The following SLIT3 variants were observed in gnomAD, a reference collection of about 807,000 sequenced individuals.
SLIT3 encodes slit homolog 3 protein.
In SLIT3, 68 loss-of-function variants were observed where a neutral mutation model predicts 184.0. The ratio of observed to expected loss-of-function variants is 0.37; its 90% CI spans 0.30 to 0.45. The LOEUF is 0.45. Ranked by LOEUF, SLIT3 falls within the 20% of genes least tolerant of loss-of-function variation. SLIT3 has a pLI of 1.00. For missense variants in SLIT3, 1,707 were observed against 2,026.0 expected, an observed-to-expected ratio of 0.84 and a Z score of 3.02; for synonymous variants, 831 against 828.6, an observed-to-expected ratio of 1.00 and a Z score of -0.05.
At chr5:169,025,557 C>A (rs1756784641) in intron 4 of SLIT3, among the ~76,000 whole-genome samples, 1 of 152,178 alleles carries the variant, frequency 6.6e-6, no homozygotes, top group South Asian at 2.1e-4. Context: ...CCCCAGGAGC[C>A]TCAATCCATA....
chr5:169,257,376 C>A (rs1422269551), intron 1 of SLIT3, among the ~76,000 whole-genome samples: 7 of 95,090 alleles, frequency 7.4e-5, no homozygotes, highest in South Asian at 3.5e-4. Flanking sequence ...CCCACCCCAA[C>A]CTCCCCGCCC....
intron 4 of SLIT3, among the ~76,000 whole-genome samples, chr5:169,045,717 C>G (rs1757602091): frequency 6.6e-6 from 1 of 152,158 alleles, no homozygotes; most frequent in South Asian, 2.1e-4. Flanking sequence ...GACCCAGGAG[C>G]CAAACCACAG....
chr5:168,904,410 C>T lies in SLIT3; in HGVS notation c.414-21074G>A, dbSNP rs1760974919. Reference sequence around the variant, plus strand: ...TTCACAGCAACAAATCAGCTCCCCTCAGAGAGGCAGTTATAAAATATCAAA... The same window carrying T: ...TTCACAGCAACAAATCAGCTCCCCTTAGAGAGGCAGTTATAAAATATCAAA... On this transcript the variant is annotated intron_variant, in intron 4 of 35. Coordinates refer to ENST00000519560, the MANE Select transcript of SLIT3 (RefSeq NM_003062.4). Among the ~76,000 whole-genome samples, 4 of 152,234 alleles carry T rather than the reference C, an allele frequency of 2.6e-5. No homozygotes were observed. In the South Asian group the frequency reaches 8.3e-4, roughly 32 times the overall value.
At chr5:169,150,885 T>A (rs1047951449) in intron 4 of SLIT3, among the ~76,000 whole-genome samples, 4 of 152,198 alleles carry the variant, frequency 2.6e-5, no homozygotes, top group African/African-American at 9.6e-5. Flanking sequence ...ATCAGCAATC[T>A]GATTTCATGC....
chr5:169,004,601 C>T (rs868819970), intron 4 of SLIT3, among the ~76,000 whole-genome samples: 8 of 152,120 alleles, frequency 5.3e-5, no homozygotes, highest in South Asian at 2.1e-4. Flanking sequence ...AGCTACGTAG[C>T]TTTGGGACTA....
At chr5:168,826,243 C>G (rs2113675948) in intron 6 of SLIT3, among the ~76,000 whole-genome samples, 1 of 152,294 alleles carries the variant, frequency 6.6e-6, no homozygotes, top group South Asian at 2.1e-4. Flanking sequence ...TATTCCAGAA[C>G]CAAAATGACT....
At chr5:169,223,382 T>TAA in intron 3 of SLIT3, among the ~76,000 whole-genome samples, 1 of 152,196 alleles carries the variant, frequency 6.6e-6, no homozygotes. Flanking sequence ...TTCTAACACC[T>TAA]AATCTCACCA....
At chr5:169,016,225 C>A (rs2113473457) in intron 4 of SLIT3, among the ~76,000 whole-genome samples, 1 of 152,220 alleles carries the variant, frequency 6.6e-6, no homozygotes, top group South Asian at 2.1e-4. Context: ...AAAAGCCAGG[C>A]AGTCTGCAAG....
intron 6 of SLIT3, among the ~76,000 whole-genome samples, chr5:168,841,195 T>A (rs1758234604): frequency 6.6e-6 from 1 of 152,232 alleles, no homozygotes; most frequent in East Asian, 1.9e-4. Flanking sequence ...GAATGGTTAA[T>A]CACACAGACT....
chr5:169,048,665 C>T (rs565116290), intron 4 of SLIT3, among the ~76,000 whole-genome samples: 1 of 152,234 alleles, frequency 6.6e-6, no homozygotes, highest in East Asian at 1.9e-4. Flanking sequence ...AACATCATAC[C>T]CAAGTCCCAG....
In SLIT3 at chr5:169,259,579, T is replaced by A. The variant is rs558452056; in HGVS notation, c.198-8120A>T. Among the ~76,000 whole-genome samples, 5 of 152,324 alleles carry A rather than the reference T, an allele frequency of 3.3e-5. No individual in the cohort carries two copies. The South Asian group carries it at 6.2e-4, about 19-fold the overall frequency. On this transcript the variant is annotated intron_variant, in intron 1 of 35. Transcript: ENST00000519560. The stretch of plus-strand genomic sequence containing the variant: ...ACTGAGTATTTACAGAATACTGCCT[T>A]CTGGGTTTCAGGAAAGAAGATCAGG...
intron 10 of SLIT3, among the ~76,000 whole-genome samples, chr5:168,795,257 C>T (rs1048681424): frequency 1.2e-4 from 18 of 152,200 alleles, no homozygotes; most frequent in African/African-American, 4.3e-4. Context: ...ACCTCCCACA[C>T]AGATAGTTTT....
intron 29 of SLIT3, among the ~76,000 whole-genome samples, chr5:168,687,779 T>C (rs942526636): frequency 5.3e-5 from 8 of 152,218 alleles, no homozygotes; most frequent in Non-Finnish European, 1.2e-4. Flanking sequence ...AGAAGATGAA[T>C]GAAGAGGAAT....
chr5:168,760,950 A>T lies in SLIT3; in HGVS notation c.1611-14T>A, dbSNP rs1326815062. 3 of 1,605,464 alleles carry T rather than the reference A, an allele frequency of 1.9e-6. No homozygotes were observed. Among genetic ancestry groups the T allele is most frequent in the Non-Finnish European group, 2.6e-6 (3 of 1,172,236 alleles). Reference sequence around the variant, plus strand: ...TCATTCAGTCGCCTGTGTAGGAAGCAAGATGAGTGGTAGGTTAGCTGTGGA... The same window carrying T: ...TCATTCAGTCGCCTGTGTAGGAAGCTAGATGAGTGGTAGGTTAGCTGTGGA... On this transcript the variant is annotated splice_polypyrimidine_tract_variant and intron_variant, in intron 15 of 35. Transcript: ENST00000519560.
At chr5:168,861,255 C>G (rs1423619367) in intron 5 of SLIT3, among the ~76,000 whole-genome samples, 5 of 152,154 alleles carry the variant, frequency 3.3e-5, no homozygotes, top group South Asian at 2.1e-4. Context: ...TTCCCTCCCC[C>G]ATCCCCCCAT....
chr5:168,786,329 T>C (rs1464956741), intron 11 of SLIT3, among the ~76,000 whole-genome samples: 1 of 152,204 alleles, frequency 6.6e-6, no homozygotes, highest in Non-Finnish European at 1.5e-5. Flanking sequence ...TGTGGGAGAC[T>C]GGCCCTGTGT....
At position 168,806,514 on chromosome 5, in the gene SLIT3, G is replaced by A. The variant is rs147410318; in HGVS notation, c.867C>T (p.Asn289=). Residue 289 remains asparagine, a synonymous_variant, in exon 9 of 36, where the codon AAC becomes AAT. Coordinates refer to ENST00000519560, the MANE Select transcript of SLIT3 (RefSeq NM_003062.4). ...SCPSPCTCSN[N]IVDCRGKGLM... Reference sequence around the variant, plus strand: ...AGCCCTTTCCTCGACAGTCCACGATGTTATTGCTGCACGTGCAGGGCGAAG... The same window carrying A: ...AGCCCTTTCCTCGACAGTCCACGATATTATTGCTGCACGTGCAGGGCGAAG... 372 of 1,614,224 alleles carry A rather than the reference G, an allele frequency of 2.3e-4. 1 individual carries two copies. The African/African-American group carries it at 4.6e-3, about 20-fold the overall frequency.
intron 4 of SLIT3, among the ~76,000 whole-genome samples, chr5:169,018,205 T>A (rs1483113044): frequency 6.6e-6 from 1 of 152,182 alleles, no homozygotes; most frequent in Non-Finnish European, 1.5e-5. Flanking sequence ...AAACCCACAT[T>A]TTTTGCAAGC....
intron 4 of SLIT3, among the ~76,000 whole-genome samples, chr5:168,976,288 G>A (rs1754754480): frequency 6.6e-6 from 1 of 152,154 alleles, no homozygotes; most frequent in Non-Finnish European, 1.5e-5. Flanking sequence ...CAAACTACAG[G>A]TCACTGATTC....
Sources: allele counts gnomAD v4.1 joint callset (sites outside exome capture counted in the v4.1 genomes callset), GRCh38; gene constraint gnomAD v4.1.1; transcripts MANE v1.5; gene names NCBI Gene and HGNC (gene_info 2026-07-23, HGNC 2026-07-21).